Variants in CNTN4 observed in about 807,000 individuals in gnomAD.
CNTN4 encodes contactin 4.
In CNTN4, 77 loss-of-function variants were observed where a neutral mutation model predicts 122.5. The ratio of observed to expected loss-of-function variants is 0.63; its 90% CI spans 0.52 to 0.76. CNTN4 has a LOEUF of 0.76. CNTN4 is among the 30% of genes least tolerant of loss of function. The probability of loss-of-function intolerance (pLI) is 0.00; values close to 1 mark genes in which losing one functional copy is unlikely to be tolerated. For missense variants in CNTN4, 1,256 were observed against 1,259.1 expected, an observed-to-expected ratio of 1.00 and a Z score of 0.04; for synonymous variants, 512 against 447.0, an observed-to-expected ratio of 1.15 and a Z score of -1.83.
At chr3:2,382,497 G>C (rs1448242583) in intron 3 of CNTN4, among the ~76,000 whole-genome samples, 2 of 152,052 alleles carry the variant, frequency 1.3e-5, no homozygotes, top group African/African-American at 4.8e-5. Flanking sequence ...CTTACACCAG[G>C]AGGCATTTTT....
intron 6 of CNTN4, among the ~76,000 whole-genome samples, chr3:2,803,526 G>T (rs1269232580): frequency 2.0e-5 from 3 of 151,440 alleles, no homozygotes; most frequent in Non-Finnish European, 4.4e-5. Context: ...ACAGTGGAAA[G>T]AATATATTAA....
rs1186708260 is a variant in CNTN4 at position 2,098,997 on chromosome 3, G to A, written c.-227+19G>A. 6.6e-6 allele frequency: 1 copy of A among 152,516 alleles called. No homozygotes were observed. The highest frequency in any genetic ancestry group is 1.5e-5 in the Non-Finnish European group (1 of 68,212). 9.4% of individuals were successfully genotyped at this position (152,516 alleles called of 1,614,324 possible). ...TGCTGAGGTAAGTGAGGCGGCAGCT[G>A]TGCGGGTCCGGCTCCTGCGTGGGCG... is the stretch of plus-strand genomic sequence containing the variant. On this transcript the variant is annotated intron_variant, in intron 1 of 24. Coordinates refer to ENST00000418658, the MANE Select transcript of CNTN4 (RefSeq NM_175607.3).
chr3:2,152,044 G>C (rs1352661369), intron 2 of CNTN4, among the ~76,000 whole-genome samples: 1 of 152,180 alleles, frequency 6.6e-6, no homozygotes, highest in Non-Finnish European at 1.5e-5. Context: ...ATGCAGGGAG[G>C]TAAGAGTGCA....
At chr3:2,636,671 A>C (rs914196488) in intron 4 of CNTN4, among the ~76,000 whole-genome samples, 14 of 152,198 alleles carry the variant, frequency 9.2e-5, no homozygotes, top group Non-Finnish European at 2.9e-5. Flanking sequence ...AAGCTTATAA[A>C]ACCCAAACAA....
intron 4 of CNTN4, among the ~76,000 whole-genome samples, chr3:2,715,184 A>G (rs2087415781): frequency 6.6e-6 from 1 of 152,204 alleles, no homozygotes; most frequent in South Asian, 2.1e-4. Flanking sequence ...CCCAGTAGAA[A>G]ACTGTATGTT....
chr3:2,553,458 A>G (rs568580444), intron 3 of CNTN4, among the ~76,000 whole-genome samples: 104 of 152,328 alleles, frequency 6.8e-4, no homozygotes, highest in Non-Finnish European at 6.2e-4. Flanking sequence ...AACCAAAGTT[A>G]TTTAAAACTC....
At chr3:2,834,922 T>TG (rs2093188173) in intron 7 of CNTN4, among the ~76,000 whole-genome samples, 1 of 138,758 alleles carries the variant, frequency 7.2e-6, no homozygotes, top group Non-Finnish European at 1.5e-5. Context: ...TTTTTTTTTT[T>TG]GAGACTGAGT....
intron 4 of CNTN4, among the ~76,000 whole-genome samples, chr3:2,692,520 A>G (rs1025561946): frequency 6.6e-6 from 1 of 152,126 alleles, no homozygotes; most frequent in African/African-American, 2.4e-5. Flanking sequence ...TTTTAGTATG[A>G]TAAAAATTAG....
At chr3:2,588,918 A>G (rs2080334024) in intron 4 of CNTN4, among the ~76,000 whole-genome samples, 1 of 152,076 alleles carries the variant, frequency 6.6e-6, no homozygotes, top group African/African-American at 2.4e-5. Context: ...ATATAGGTAA[A>G]TATTTGTTGT....
intron 5 of CNTN4, among the ~76,000 whole-genome samples, chr3:2,743,320 A>T (rs946225540): frequency 6.6e-6 from 1 of 152,104 alleles, no homozygotes; most frequent in East Asian, 1.9e-4. Context: ...ATGTGCACAT[A>T]GAGCTGCTAG....
intron 4 of CNTN4, among the ~76,000 whole-genome samples, chr3:2,705,639 T>A (rs1576511877): frequency 1.4e-5 from 1 of 74,012 alleles, no homozygotes; most frequent in South Asian, 4.5e-4. Flanking sequence ...AATATATATA[T>A]TATATATAAA....
At chr3:2,989,880 T>C (rs1307076701) in intron 14 of CNTN4, among the ~76,000 whole-genome samples, 2 of 152,244 alleles carry the variant, frequency 1.3e-5, no homozygotes, top group African/African-American at 4.8e-5. Context: ...TCAGAGCTGG[T>C]TAGACACAGA....
At chr3:2,658,476 C>T (rs184789715) in intron 4 of CNTN4, among the ~76,000 whole-genome samples, 3 of 152,204 alleles carry the variant, frequency 2.0e-5, no homozygotes, top group East Asian at 3.9e-4. Context: ...TTGTCAAAGA[C>T]GGAAAAGTAA....
chr3:2,839,120 ATAGTCCTAATTG>A (rs1286133728), intron 7 of CNTN4, among the ~76,000 whole-genome samples: 6 of 152,342 alleles, frequency 3.9e-5, no homozygotes, highest in African/African-American at 1.4e-4. Flanking sequence ...TTTAAGAGAT[ATAGTCCTAATTG>A]TTATGTCAAA....
At chr3:2,192,226 T>A (rs1289869973) in intron 2 of CNTN4, among the ~76,000 whole-genome samples, 1 of 152,302 alleles carries the variant, frequency 6.6e-6, no homozygotes, top group African/African-American at 2.4e-5. Flanking sequence ...ATGATTTATA[T>A]TCCTTTGGGT....
intron 15 of CNTN4, among the ~76,000 whole-genome samples, chr3:3,028,261 G>A (rs1052913912): frequency 1.3e-5 from 2 of 152,168 alleles, no homozygotes; most frequent in Admixed American, 6.5e-5. Context: ...GACTGCGGTG[G>A]TGGAAAATAA....
At chr3:2,219,922 T>A (rs2038995989) in intron 2 of CNTN4, among the ~76,000 whole-genome samples, 1 of 152,138 alleles carries the variant, frequency 6.6e-6, no homozygotes, top group South Asian at 2.1e-4. Flanking sequence ...CCTTCTTACA[T>A]CTCATTTGTT....
rs6772862 is a variant in CNTN4, at chr3:2,913,478, G to A, written c.1207+10473G>A. ...ATGAAAGAATAGAGGAAAATAATCC[G>A]TGCAAACCAGAACCTAAAGAGAGCA... On this transcript the variant is annotated intron_variant, in intron 12 of 24. Coordinates refer to ENST00000418658, the MANE Select transcript of CNTN4 (RefSeq NM_175607.3). Among the ~76,000 whole-genome samples, 325 of 152,262 alleles carry A rather than the reference G, an allele frequency of 2.1e-3. 1 individual carries two copies. The highest frequency in any genetic ancestry group is 3.2e-3 in the Non-Finnish European group (219 of 68,016).
chr3:2,916,290 G>T (rs2094353390), intron 12 of CNTN4, among the ~76,000 whole-genome samples: 1 of 151,346 alleles, frequency 6.6e-6, no homozygotes, highest in African/African-American at 2.4e-5. Context: ...GTGGAGGGAA[G>T]GTCAGCAGAT....
Sources: gnomAD v4.1 joint callset for allele counts (sites outside exome capture counted in the v4.1 genomes callset) on GRCh38, gnomAD v4.1.1 for gene constraint, MANE v1.5 for transcripts, NCBI Gene and HGNC (gene_info 2026-07-23, HGNC 2026-07-21) for gene names.